COP1: variants seen among roughly 807,000 people sequenced by gnomAD.
COP1 encodes the protein E3 ubiquitin-protein ligase COP1.
In COP1, 24 loss-of-function variants were observed where a neutral mutation model predicts 101.3. The observed-to-expected ratio is 0.24, with a 90% CI of 0.17 to 0.33. COP1 has a LOEUF of 0.33. Ranked by LOEUF, COP1 falls within the 10% of genes least tolerant of loss-of-function variation. The pLI, the probability that COP1 is intolerant of heterozygous loss-of-function variation, is 1.00. For synonymous variants in COP1, 347 were observed against 341.9 expected, an observed-to-expected ratio of 1.01 and a Z score of -0.17; for missense variants, 663 against 906.2, an observed-to-expected ratio of 0.73 and a Z score of 3.45.
At chr1:176,129,217 T>G (rs1168736204) in intron 8 of COP1, among the ~76,000 whole-genome samples, 1 of 151,808 alleles carries the variant, frequency 6.6e-6, no homozygotes, top group African/African-American at 2.4e-5. Flanking sequence ...AAATGATTCC[T>G]TGTTTTTTCC....
At chr1:176,063,340 A>G (rs2502820) in intron 11 of COP1, among the ~76,000 whole-genome samples, 140,289 of 152,070 alleles carry the variant, frequency 0.92, 65,490 homozygotes, top group East Asian at 1. Context: ...GATTACAGGC[A>G]TGAGCCACCG....
intron 7 of COP1, 84 bp from the exon 8 acceptor site, chr1:176,135,170 T>TA (rs1200612166): frequency 2.3e-6 from 2 of 884,848 alleles, no homozygotes; most frequent in Non-Finnish European, 3.5e-6. Flanking sequence ...TATTCCTTTC[T>TA]ATTCCCAGGT....
At chr1:176,078,846 T>G (rs1272017485) in intron 11 of COP1, among the ~76,000 whole-genome samples, 2 of 151,900 alleles carry the variant, frequency 1.3e-5, no homozygotes, top group Non-Finnish European at 2.9e-5. Context: ...ACACAGACAC[T>G]TCTCAAAAGA....
intron 14 of COP1, among the ~76,000 whole-genome samples, chr1:176,028,941 A>G (rs984495085): frequency 3.3e-5 from 5 of 151,036 alleles, no homozygotes; most frequent in Non-Finnish European, 7.4e-5. Context: ...TTTTGTAAAG[A>G]CAGGGTTTCA....
rs144768801 is a variant in COP1, at chr1:176,179,510, G to C, written c.468-3503C>G. Among the ~76,000 whole-genome samples, 333 of 152,242 alleles carry C rather than the reference G, an allele frequency of 2.2e-3. 1 individual carries two copies. The highest frequency in any genetic ancestry group is 7.6e-3 in the African/African-American group (317 of 41,552). On this transcript the variant is annotated intron_variant, in intron 2 of 19. Coordinates refer to ENST00000367669, the MANE Select transcript of COP1 (RefSeq NM_022457.7). ...AGCAATTTGCGAGGGCGAGGCAGGAGGATTGCCTGAGCCCAGGAGTTTCAA... is the reference window on the plus strand; with the variant it reads ...AGCAATTTGCGAGGGCGAGGCAGGACGATTGCCTGAGCCCAGGAGTTTCAA...
At chr1:176,178,947 G>A (rs1482794660) in intron 2 of COP1, among the ~76,000 whole-genome samples, 1 of 151,976 alleles carries the variant, frequency 6.6e-6, no homozygotes, top group Non-Finnish European at 1.5e-5. Context: ...GGCCAAGGTG[G>A]GCAGATCACT....
intron 14 of COP1, among the ~76,000 whole-genome samples, chr1:176,028,979 C>G (rs1471478151): frequency 6.6e-6 from 1 of 151,512 alleles, no homozygotes; most frequent in East Asian, 1.9e-4. Flanking sequence ...GTCTCAAACT[C>G]CTGGGCTCAA....
At chr1:176,021,790 C>T (rs1171118511) in intron 15 of COP1, among the ~76,000 whole-genome samples, 3 of 152,040 alleles carry the variant, frequency 2.0e-5, no homozygotes, top group African/African-American at 7.2e-5. Context: ...AGAACCAAGT[C>T]TGATATATTG....
At chr1:176,148,677 T>A (rs1691955661) in intron 6 of COP1, among the ~76,000 whole-genome samples, 1 of 152,124 alleles carries the variant, frequency 6.6e-6, no homozygotes, top group South Asian at 2.1e-4. Flanking sequence ...CCTAAGGCTT[T>A]ATTATCTAAA....
At chr1:176,153,769 C>T (rs1379998138) in intron 5 of COP1, among the ~76,000 whole-genome samples, 1 of 152,062 alleles carries the variant, frequency 6.6e-6, no homozygotes, top group Admixed American at 6.6e-5. Context: ...TCCTTCAATA[C>T]CTAGTTTATT....
At chr1:175,947,962 G>A (rs558416770) in intron 18 of COP1, among the ~76,000 whole-genome samples, 1 of 152,232 alleles carries the variant, frequency 6.6e-6, no homozygotes, top group South Asian at 2.1e-4. Flanking sequence ...TGTAAAACCT[G>A]CCAACATCCT....
chr1:176,007,448 T>C (rs1187742657), intron 15 of COP1, among the ~76,000 whole-genome samples: 8 of 152,022 alleles, frequency 5.3e-5, no homozygotes, highest in African/African-American at 1.2e-4. Context: ...AGTTTTTCTG[T>C]TCTGTTTTTT....
At chr1:176,140,129 G>A (rs1332395731) in intron 6 of COP1, among the ~76,000 whole-genome samples, 1 of 152,032 alleles carries the variant, frequency 6.6e-6, no homozygotes, top group Non-Finnish European at 1.5e-5. Context: ...AAACTCTAAT[G>A]TCTTCTCTGA....
chr1:176,103,894 A>G (rs1558116608), intron 9 of COP1, among the ~76,000 whole-genome samples: 2 of 152,178 alleles, frequency 1.3e-5, no homozygotes, highest in African/African-American at 4.8e-5. Context: ...AATAAAAAAT[A>G]CCAAGAAGCT....
At chr1:176,158,630 C>CTTTTTTT (rs35518162) in intron 5 of COP1, among the ~76,000 whole-genome samples, 20 of 79,310 alleles carry the variant, frequency 2.5e-4, no homozygotes, top group South Asian at 5.1e-4. Flanking sequence ...TTTTAAGGTT[C>CTTTTTTT]TTTTTTTTTT....
At chr1:176,197,410 C>T (rs970317757) in intron 1 of COP1, among the ~76,000 whole-genome samples, 1 of 152,022 alleles carries the variant, frequency 6.6e-6, no homozygotes, top group Non-Finnish European at 1.5e-5. Context: ...AGCAAGACCA[C>T]CTCTTTTGAA....
At chr1:176,173,788 G>C (rs1467839293) in intron 3 of COP1, among the ~76,000 whole-genome samples, 1 of 151,752 alleles carries the variant, frequency 6.6e-6, no homozygotes, top group Non-Finnish European at 1.5e-5. Context: ...AGGAGTTCGA[G>C]ACCAGCCTAT....
At chr1:176,097,300 CCT>C (rs1364877668) in intron 9 of COP1, among the ~76,000 whole-genome samples, 1 of 151,984 alleles carries the variant, frequency 6.6e-6, no homozygotes, top group Non-Finnish European at 1.5e-5. Flanking sequence ...AAGGAAGAGA[CCT>C]CTGTTTTCCT....
intron 2 of COP1, among the ~76,000 whole-genome samples, chr1:176,182,319 G>A (rs1697896927): frequency 6.6e-6 from 1 of 152,208 alleles, no homozygotes; most frequent in Non-Finnish European, 1.5e-5. Flanking sequence ...ACAAAGGTTA[G>A]GTAAGTTTCA....
Sources: gnomAD v4.1 joint callset for allele counts (sites outside exome capture counted in the v4.1 genomes callset) on GRCh38, gnomAD v4.1.1 for gene constraint, MANE v1.5 for transcripts, NCBI Gene and HGNC (gene_info 2026-07-23, HGNC 2026-07-21) for gene names.